GRIN2A: variants seen among roughly 807,000 people sequenced by gnomAD.
GRIN2A encodes the protein glutamate ionotropic receptor NMDA type subunit 2A.
GRIN2A carries 22 observed loss-of-function variants against 113.4 expected under a neutral mutation model. The observed-to-expected ratio is 0.19, with a 90% CI of 0.14 to 0.28. The LOEUF (loss-of-function observed/expected upper bound fraction) is 0.28. GRIN2A is among the 10% of genes least tolerant of loss of function. The probability of loss-of-function intolerance (pLI) is 1.00; values close to 1 mark genes in which losing one functional copy is unlikely to be tolerated. For missense variants in GRIN2A, 1,502 were observed against 1,887.0 expected (o/e 0.80, Z 3.78); for synonymous variants, 827 against 738.4 (o/e 1.12, Z -1.94).
intron 2 of GRIN2A, among the ~76,000 whole-genome samples, chr16:9,946,468 C>A (rs1047877072): frequency 1.3e-5 from 2 of 152,176 alleles, no homozygotes; most frequent in African/African-American, 4.8e-5. Context: ...CTTCTCTGTG[C>A]CTCTGAAACT....
Position 9,757,607 on chromosome 16 carries a change from G to A in GRIN2A, c.*5542C>T, listed in dbSNP as rs1900405540. ...CCAAACTGGCTTTCAAAATAAAGTG[G>A]ACATTCAGTGAAGTCCTATTAGCTG... On this transcript the variant is annotated 3_prime_UTR_variant, in exon 13 of 13. Transcript: ENST00000330684. 4.5e-6 allele frequency: 1 copy of A among 223,914 alleles called. No homozygotes were observed. The highest frequency in any genetic ancestry group is 6.5e-5 in the East Asian group (1 of 15,490). 13.9% of individuals were successfully genotyped at this position (223,914 alleles called of 1,614,324 possible). A position where few individuals can be genotyped will look rare whatever the true frequency, so the allele number is the denominator to read the frequency against.
At chr16:9,890,022 T>G (rs2043663044) in intron 4 of GRIN2A, among the ~76,000 whole-genome samples, 1 of 152,136 alleles carries the variant, frequency 6.6e-6, no homozygotes, top group Non-Finnish European at 1.5e-5. Context: ...AATGCTTCTG[T>G]TTGTATAGTA....
chr16:9,839,705 T>A (rs117844795), intron 7 of GRIN2A, among the ~76,000 whole-genome samples: 10 of 152,208 alleles, frequency 6.6e-5, no homozygotes, highest in Admixed American at 1.3e-4. Context: ...TATTTTTAAA[T>A]GTTTTCAATA....
At chr16:9,907,280 T>C (rs2044045663) in intron 3 of GRIN2A, among the ~76,000 whole-genome samples, 1 of 152,202 alleles carries the variant, frequency 6.6e-6, no homozygotes, top group Non-Finnish European at 1.5e-5. Context: ...AAATACAATA[T>C]GGGAATACAA....
intron 4 of GRIN2A, among the ~76,000 whole-genome samples, chr16:9,852,682 T>A (rs1304219335): frequency 1.3e-5 from 2 of 152,212 alleles, no homozygotes; most frequent in African/African-American, 2.4e-5. Flanking sequence ...TCTTTTCTCA[T>A]CTGATAGACC....
intron 7 of GRIN2A, among the ~76,000 whole-genome samples, chr16:9,834,780 A>G (rs1022412321): frequency 2.6e-5 from 4 of 152,224 alleles, no homozygotes; most frequent in African/African-American, 9.6e-5. Flanking sequence ...AGAGAAGAGC[A>G]TAGGACATTT....
intron 2 of GRIN2A, among the ~76,000 whole-genome samples, chr16:9,969,455 A>G (rs1596373514): frequency 6.6e-6 from 1 of 152,166 alleles, no homozygotes; most frequent in Non-Finnish European, 1.5e-5. Flanking sequence ...CATTTTATCC[A>G]TCCTTCATGG....
chr16:9,836,745 G>A (rs185339095), intron 7 of GRIN2A, among the ~76,000 whole-genome samples: 1 of 152,182 alleles, frequency 6.6e-6, no homozygotes, highest in East Asian at 1.9e-4. Context: ...AAGAAACATC[G>A]TTAAAGCAAC....
intron 2 of GRIN2A, among the ~76,000 whole-genome samples, chr16:10,063,526 C>G (rs2047591039): frequency 6.6e-6 from 1 of 152,156 alleles, no homozygotes. Flanking sequence ...CCTTCTTTAA[C>G]ATGAGAAGGA....
intron 2 of GRIN2A, among the ~76,000 whole-genome samples, chr16:9,973,756 C>A (rs2045719461): frequency 6.6e-6 from 1 of 151,932 alleles, no homozygotes; most frequent in African/African-American, 2.4e-5. Flanking sequence ...GTCCAGAAGA[C>A]AGTGGAATAA....
At chr16:10,123,783 A>C (rs2048876600) in intron 2 of GRIN2A, among the ~76,000 whole-genome samples, 1 of 152,182 alleles carries the variant, frequency 6.6e-6, no homozygotes, top group Admixed American at 6.5e-5. Flanking sequence ...CAAACTCTGT[A>C]ATCAGACTAC....
intron 2 of GRIN2A, among the ~76,000 whole-genome samples, chr16:10,011,445 G>A (rs998781020): frequency 6.6e-6 from 1 of 152,070 alleles, no homozygotes; most frequent in Non-Finnish European, 1.5e-5. Flanking sequence ...GCCTTGGTGG[G>A]TCCATCAGTC....
intron 9 of GRIN2A, among the ~76,000 whole-genome samples, chr16:9,826,887 T>C (rs2042397795): frequency 6.6e-6 from 1 of 152,192 alleles, no homozygotes; most frequent in South Asian, 2.1e-4. Context: ...GTAGTAAGGA[T>C]TTCCCCCCGC....
intron 2 of GRIN2A, chr16:10,111,979 A>T: frequency 1.5e-6 from 1 of 681,386 alleles, no homozygotes. Flanking sequence ...GGCAAATGAG[A>T]TCCTTCAGCC....
intron 2 of GRIN2A, among the ~76,000 whole-genome samples, chr16:10,156,648 A>G (rs1469171967): frequency 6.6e-6 from 1 of 152,230 alleles, no homozygotes; most frequent in Non-Finnish European, 1.5e-5. Flanking sequence ...CATAGGAGGC[A>G]GAAGGCGATT....
intron 2 of GRIN2A, among the ~76,000 whole-genome samples, chr16:10,032,267 A>G (rs2046943769): frequency 6.6e-6 from 1 of 152,250 alleles, no homozygotes; most frequent in Non-Finnish European, 1.5e-5. Flanking sequence ...AACGATGGCT[A>G]TGCCAGAGAG....
At chr16:9,898,158 T>C (rs1278122152) in intron 3 of GRIN2A, among the ~76,000 whole-genome samples, 2 of 145,274 alleles carry the variant, frequency 1.4e-5, no homozygotes, top group Admixed American at 1.5e-4. Context: ...TCGCATAAAA[T>C]GCCTAGCACA....
intron 11 of GRIN2A, among the ~76,000 whole-genome samples, chr16:9,797,602 C>A (rs1187612628): frequency 6.6e-6 from 1 of 152,192 alleles, no homozygotes; most frequent in African/African-American, 2.4e-5. Context: ...CAACATGACT[C>A]CACCGTGAGT....
intron 11 of GRIN2A, among the ~76,000 whole-genome samples, chr16:9,796,630 G>A (rs944248358): frequency 1.3e-5 from 2 of 152,188 alleles, no homozygotes; most frequent in African/African-American, 4.8e-5. Context: ...TCCTTTCTGT[G>A]CTTCTGCCAT....
Sources: gnomAD v4.1 joint callset for allele counts (sites outside exome capture counted in the v4.1 genomes callset) on GRCh38, gnomAD v4.1.1 for gene constraint, MANE v1.5 for transcripts, NCBI Gene and HGNC (gene_info 2026-07-23, HGNC 2026-07-21) for gene names.